The following PLS1 variants were observed in gnomAD, a reference collection of about 807,000 sequenced individuals.
The protein encoded by PLS1 is plastin-1.
Under a neutral mutation model 73.7 loss-of-function variants are expected in PLS1, and 32 were observed. The observed-to-expected ratio is 0.43, with a 90% CI of 0.33 to 0.58. The LOEUF (loss-of-function observed/expected upper bound fraction) is 0.58. PLS1 is among the 20% of genes least tolerant of loss of function. The probability of loss-of-function intolerance (pLI) is 0.04; values close to 1 mark genes in which losing one functional copy is unlikely to be tolerated. For missense variants in PLS1, 633 were observed against 740.5 expected (o/e 0.85, Z 1.68); for synonymous variants, 217 against 261.3 (o/e 0.83, Z 1.63).
rs1293746172 is a variant in PLS1, at chr3:142,684,229, T to C, written c.746-24T>C. On this transcript the variant is annotated intron_variant, in intron 7 of 15. Transcript: ENST00000457734. Reference sequence around the variant, plus strand: ...ACATGTACTTGCTATGGGAAGAATTTACATTTCGCTGTTTTGCCCTCAGCT... The same window carrying C: ...ACATGTACTTGCTATGGGAAGAATTCACATTTCGCTGTTTTGCCCTCAGCT... The C allele has an allele frequency of 1.9e-6, 3 of 1,613,918 alleles. No homozygotes were observed. In the Admixed American group the frequency reaches 5.0e-5, roughly 27 times the overall value.
At chr3:142,690,223 GTTAT>G (rs1331257475) in intron 10 of PLS1, among the ~76,000 whole-genome samples, 2 of 151,980 alleles carry the variant, frequency 1.3e-5, no homozygotes, top group African/African-American at 4.8e-5. Context: ...TACAGTGTTC[GTTAT>G]TTGTCTTTTG....
rs752140284 is a variant in PLS1 at position 142,676,244 on chromosome 3, A to G, written c.452A>G (p.Asn151Ser). 1.1e-5 allele frequency: 18 copies of G among 1,613,374 alleles called. No homozygotes were observed. Among genetic ancestry groups the G allele is most frequent in the East Asian group, 2.2e-5 (1 of 44,854 alleles). ...AAGCATCTTATACCCATGAATCCCA[A>G]TGATGATAGTCTTTTCAAGTCACTT... is the stretch of plus-strand genomic sequence containing the variant. ...DCKHLIPMNP[N>S]DDSLFKSLAD... The change falls in exon 5 of 16, where the codon AAT becomes AGT. Residue 151 changes from asparagine (N) to serine (S), a missense_variant. Asn to Ser is a conservative substitution (Grantham distance 46). Coordinates refer to ENST00000457734, the MANE Select transcript of PLS1 (RefSeq NM_001145319.2).
intron 1 of PLS1, among the ~76,000 whole-genome samples, chr3:142,640,389 C>T (rs2036805239): frequency 6.6e-6 from 1 of 152,142 alleles, no homozygotes; most frequent in Admixed American, 6.5e-5. Context: ...AAAAAGATGT[C>T]TCTTATTTCC....
intron 4 of PLS1, chr3:142,673,465 T>C (rs992351311): frequency 1.3e-5 from 2 of 152,218 alleles, no homozygotes; most frequent in Admixed American, 6.5e-5. Context: ...TGAACACTCA[T>C]GAATGCATTT....
chr3:142,617,596 A>G (rs2108556171), intron 1 of PLS1, among the ~76,000 whole-genome samples: 1 of 152,302 alleles, frequency 6.6e-6, no homozygotes, highest in South Asian at 2.1e-4. Context: ...GCCCCATCCT[A>G]AAACTTCTGA....
At chr3:142,687,974 G>A (rs2038008132) in intron 9 of PLS1, among the ~76,000 whole-genome samples, 1 of 148,092 alleles carries the variant, frequency 6.8e-6, no homozygotes. Context: ...TTTAGATGGA[G>A]TCTTGCTCTG....
chr3:142,652,718 TG>T (rs1418519010), intron 1 of PLS1, among the ~76,000 whole-genome samples: 1 of 152,204 alleles, frequency 6.6e-6, no homozygotes, highest in African/African-American at 2.4e-5. Flanking sequence ...GTGTTAGCCA[TG>T]GATAATGGGG....
At chr3:142,604,435 T>C (rs1306932442) in intron 1 of PLS1, among the ~76,000 whole-genome samples, 1 of 152,200 alleles carries the variant, frequency 6.6e-6, no homozygotes, top group African/African-American at 2.4e-5. Flanking sequence ...GGACATCCTT[T>C]TGGTCAAGGA....
Position 142,712,122 on chromosome 3 carries a change from A to G in PLS1, c.*115A>G, listed in dbSNP as rs1933158353. 1.1e-6 allele frequency: 1 copy of G among 917,378 alleles called. No homozygotes were observed. The highest frequency in any genetic ancestry group is 2.3e-4 in the Middle Eastern group (1 of 4,274). The allele number at this position is 917,378 out of a possible 1,614,324, so 56.8% of individuals were successfully genotyped here. On this transcript the variant is annotated 3_prime_UTR_variant, in exon 16 of 16. Transcript: ENST00000457734. ...TTATTTGTATGCTCAAAATAGTTAT[A>G]TATTCATTAATGAATTCAATATCCT...
At chr3:142,695,982 TG>T (rs2038190129) in intron 11 of PLS1, among the ~76,000 whole-genome samples, 1 of 152,002 alleles carries the variant, frequency 6.6e-6, no homozygotes, top group African/African-American at 2.4e-5. Flanking sequence ...TTAGTAGAGA[TG>T]GGGTTTCTCC....
chr3:142,672,111 T>C (rs967049773), intron 4 of PLS1, among the ~76,000 whole-genome samples: 3 of 152,164 alleles, frequency 2.0e-5, no homozygotes, highest in Admixed American at 2.0e-4. Flanking sequence ...CAAAGTGCTA[T>C]AATCTTAAGT....
At chr3:142,680,227 C>G (rs2037820140) in intron 6 of PLS1, among the ~76,000 whole-genome samples, 1 of 152,130 alleles carries the variant, frequency 6.6e-6, no homozygotes, top group Non-Finnish European at 1.5e-5. Flanking sequence ...CTATGCCCTG[C>G]TAATTTTTTA....
At chr3:142,678,905 CCT>C (rs1305974606) in intron 6 of PLS1, among the ~76,000 whole-genome samples, 2 of 152,010 alleles carry the variant, frequency 1.3e-5, no homozygotes, top group African/African-American at 4.8e-5. Context: ...TAAAAGTGTT[CCT>C]GTTTCTCCAC....
chr3:142,626,561 A>G (rs369261135), intron 1 of PLS1, among the ~76,000 whole-genome samples: 1 of 152,224 alleles, frequency 6.6e-6, no homozygotes, highest in South Asian at 2.1e-4. Context: ...TCATAGTACA[A>G]TATGTATGCA....
chr3:142,618,885 A>G (rs975564170), intron 1 of PLS1, among the ~76,000 whole-genome samples: 23 of 152,130 alleles, frequency 1.5e-4, no homozygotes. Flanking sequence ...ATCTGCAAAA[A>G]TCTGTTTTGC....
intron 1 of PLS1, among the ~76,000 whole-genome samples, chr3:142,657,697 C>T (rs998958051): frequency 6.6e-6 from 1 of 152,060 alleles, no homozygotes; most frequent in Admixed American, 6.5e-5. Context: ...ACTGTGTTGG[C>T]CAGGCTGGTC....
intron 14 of PLS1, 26 bp from the exon 15 acceptor site, chr3:142,711,475 A>G (rs200826898): frequency 2.0e-6 from 3 of 1,512,170 alleles, no homozygotes; most frequent in Middle Eastern, 3.6e-4. Flanking sequence ...ATGTTTATGA[A>G]TGTTCATCTA....
chr3:142,599,424 G>A (rs2108528516), intron 1 of PLS1, among the ~76,000 whole-genome samples: 1 of 150,034 alleles, frequency 6.7e-6, no homozygotes, highest in Middle Eastern at 3.4e-3. Context: ...CCGCTTCCCA[G>A]GTTCACGCCA....
At chr3:142,711,816 T>C (rs763858014) in intron 15 of PLS1, 56 bp from the exon 16 acceptor site, 20 of 1,560,650 alleles carry the variant, frequency 1.3e-5, no homozygotes, top group African/African-American at 4.1e-5. Flanking sequence ...TTTGTTAAAA[T>C]ATGTTAAGTG....
Sources: allele counts gnomAD v4.1 joint callset (sites outside exome capture counted in the v4.1 genomes callset), GRCh38; gene constraint gnomAD v4.1.1; transcripts MANE v1.5; gene names NCBI Gene and HGNC (gene_info 2026-07-23, HGNC 2026-07-21).